The following CMYA5 variants were observed in gnomAD, a reference collection of about 807,000 sequenced individuals.
CMYA5 encodes cardiomyopathy associated 5, also known as cardiomyopathy-associated protein 5.
Under a neutral mutation model 318.9 loss-of-function variants are expected in CMYA5, and 246 were observed. The observed-to-expected ratio is 0.77, with a 90% confidence interval of 0.70 to 0.86. The LOEUF (loss-of-function observed/expected upper bound fraction) is 0.86, where lower values mean the gene tolerates loss of function less well. CMYA5 is among the 40% of genes least tolerant of loss of function. The pLI is 0.00. For missense variants in CMYA5, 4,589 were observed against 4,678.2 expected, an observed-to-expected ratio of 0.98 and a Z score of 0.56; for synonymous variants, 1,641 against 1,729.5, an observed-to-expected ratio of 0.95 and a Z score of 1.27.
At chr5:79,710,566 T>A (rs4704577) in intron 1 of CMYA5, among the ~76,000 whole-genome samples, 196 of 152,142 alleles carry the variant, frequency 1.3e-3, no homozygotes, top group African/African-American at 4.5e-3. Context: ...CAGGATAGAT[T>A]AAGAATGAAG....
At position 79,789,191 on chromosome 5, in the gene CMYA5, T is replaced by C. The variant is rs1221566476; in HGVS notation, c.11689+87T>C. The C allele has an allele frequency of 2.1e-6, 3 of 1,454,038 alleles. No individual in the cohort carries two copies. In the East Asian group the frequency reaches 7.0e-5, roughly 34 times the overall value. 90.1% of individuals were successfully genotyped at this position (1,454,038 alleles called of 1,614,324 possible). On this transcript the variant is annotated intron_variant, in intron 10 of 12. Transcript: ENST00000446378. ...GAGAAGATGTCCTAGAGGGCAACTT[T>C]ATAAACTCCCAACCTACTGTCAGTG... is the stretch of plus-strand genomic sequence containing the variant.
chr5:79,785,134 C>G (rs893932552), intron 9 of CMYA5, among the ~76,000 whole-genome samples: 12 of 151,624 alleles, frequency 7.9e-5, no homozygotes, highest in Non-Finnish European at 1.8e-4. Context: ...ATGTTTGGGT[C>G]TATTCCTGAC....
At chr5:79,710,547 G>A (rs1444839480) in intron 1 of CMYA5, among the ~76,000 whole-genome samples, 1 of 152,110 alleles carries the variant, frequency 6.6e-6, no homozygotes, top group Non-Finnish European at 1.5e-5. Context: ...GTGTAAAAGA[G>A]GCACATCTCA....
At chr5:79,789,660 G>A (rs1357292895) in intron 10 of CMYA5, among the ~76,000 whole-genome samples, 3 of 151,930 alleles carry the variant, frequency 2.0e-5, no homozygotes, top group Non-Finnish European at 4.4e-5. Flanking sequence ...CCTGACCTCA[G>A]GTGATCTGCC....
At position 79,735,495 on chromosome 5, in the gene CMYA5, A is replaced by G. The variant is rs369572080; in HGVS notation, c.6730A>G (p.Lys2244Glu). The G allele has an allele frequency of 2.3e-5, 37 of 1,613,800 alleles. No individual in the cohort carries two copies. Among genetic ancestry groups the G allele is most frequent in the Middle Eastern group, 3.3e-4 (2 of 6,054 alleles). The change falls in exon 2 of 13, where the codon AAA (lysine) becomes GAA (glutamate). Residue 2244 changes from lysine (K) to glutamate (E), a missense_variant. By Grantham distance (56) the Lys-to-Glu change is moderately conservative (BLOSUM62 1). Coordinates refer to ENST00000446378, the MANE Select transcript of CMYA5 (RefSeq NM_153610.5). ...ADHSLSEVKL[K>E]TADEPRGTLV... ...TCATTCATTATCAGAGGTAAAACTT[A>G]AAACTGCTGATGAACCCAGAGGTAC...
At chr5:79,763,358 C>A in intron 9 of CMYA5, 149 bp downstream of exon 9, 1 of 655,724 alleles carries the variant, frequency 1.5e-6, no homozygotes, top group Non-Finnish European at 2.5e-6. Context: ...ATTTGCAGCT[C>A]TATCACAGTT....
At chr5:79,739,866 T>G (rs973341298) in intron 2 of CMYA5, among the ~76,000 whole-genome samples, 6 of 151,734 alleles carry the variant, frequency 4.0e-5, no homozygotes, top group Non-Finnish European at 1.5e-5. Context: ...ACCTGTAGTT[T>G]AAGTTACTTG....
chr5:79,694,082 A>G (rs2151073794), intron 1 of CMYA5, among the ~76,000 whole-genome samples: 1 of 152,272 alleles, frequency 6.6e-6, no homozygotes, highest in Non-Finnish European at 1.5e-5. Context: ...GGAACAGAGT[A>G]AGGTAATGGG....
At chr5:79,772,163 C>T (rs1208111212) in intron 9 of CMYA5, among the ~76,000 whole-genome samples, 3 of 151,990 alleles carry the variant, frequency 2.0e-5, no homozygotes, top group African/African-American at 4.8e-5. Flanking sequence ...AGACCAACAT[C>T]GAGCTTATTA....
chr5:79,761,473 T>C (rs1259036301), intron 7 of CMYA5, among the ~76,000 whole-genome samples: 1 of 152,214 alleles, frequency 6.6e-6, no homozygotes, highest in Non-Finnish European at 1.5e-5. Context: ...TGAGAATGTG[T>C]TACTGAGATT....
In CMYA5 at chr5:79,738,664, G is replaced by T; in HGVS notation, c.9899G>T (p.Gly3300Val). The T allele has an allele frequency of 6.2e-7, 1 of 1,613,952 alleles. No individual in the cohort carries two copies. Among genetic ancestry groups the T allele is most frequent in the South Asian group, 1.1e-5 (1 of 91,080 alleles). The stretch of plus-strand genomic sequence containing the variant: ...GAGAAGAGTCTGGAAGAACAGAAAG[G>T]TGTTTATGGGGAAGGAGAATCAGTA... ...CREKSLEEQK[G>V]VYGEGESVDH... The change falls in exon 2 of 13, where the codon GGT (glycine) becomes GTT (valine). Residue 3300 changes from glycine to valine, a missense_variant. Gly to Val is a moderately radical substitution (Grantham distance 109). This residue lies in a region of CMYA5 where 2,431 missense variants were observed against 2,495.1 expected (regional missense o/e 0.97). Coordinates refer to ENST00000446378, the MANE Select transcript of CMYA5 (RefSeq NM_153610.5).
rs1162792329 is a variant in CMYA5, at chr5:79,756,364, GCC to G, written c.11111-2386_11111-2385del. Among the ~76,000 whole-genome samples, 18 of 151,082 alleles carry G rather than the reference GCC, an allele frequency of 1.2e-4. 1 individual carries two copies. Among genetic ancestry groups the G allele is most frequent in the Middle Eastern group, 3.4e-3 (1 of 292 alleles). ...CTCATCTTCAGGAGCTTCCTGCCTT[GCC>G]CCTCTGTTTCCTGTGCTCCTGCCAA... On this transcript the variant is annotated intron_variant, in intron 6 of 12. Coordinates refer to ENST00000446378, the MANE Select transcript of CMYA5 (RefSeq NM_153610.5).
intron 6 of CMYA5, among the ~76,000 whole-genome samples, chr5:79,755,342 A>C (rs1052101193): frequency 2.0e-5 from 3 of 151,738 alleles, no homozygotes; most frequent in Non-Finnish European, 4.4e-5. Context: ...GCTGAAGTGC[A>C]GTGGCACCAT....
At position 79,738,201 on chromosome 5, in the gene CMYA5, A is replaced by G; in HGVS notation, c.9436A>G (p.Arg3146Gly). The G allele has an allele frequency of 6.2e-7, 1 of 1,613,944 alleles. No homozygotes were observed. The highest frequency in any genetic ancestry group is 8.5e-7 in the Non-Finnish European group (1 of 1,179,878). ...ADRNVSKDTK[R>G]DVDSKSPGMP... Reference sequence around the variant, plus strand: ...CAGGAATGTTTCAAAGGACACAAAGAGAGATGTGGACTCAAAGTCACCGGG... The same window carrying G: ...CAGGAATGTTTCAAAGGACACAAAGGGAGATGTGGACTCAAAGTCACCGGG... Residue 3146 changes from arginine (R) to glycine (G), a missense_variant, in exon 2 of 13, where the codon AGA becomes GGA. Arg to Gly is a moderately radical substitution (Grantham distance 125). Around this residue, in one of 3 missense-constraint regions of CMYA5, gnomAD observed 2,431 missense variants for 2,495.1 expected, o/e 0.97. Coordinates refer to ENST00000446378, the MANE Select transcript of CMYA5 (RefSeq NM_153610.5).
intron 9 of CMYA5, among the ~76,000 whole-genome samples, chr5:79,769,695 G>T (rs554326055): frequency 1.3e-5 from 2 of 152,112 alleles, no homozygotes; most frequent in Non-Finnish European, 2.9e-5. Flanking sequence ...AGAGGCACCC[G>T]CCAGATGCCA....
rs760646985 is a variant in CMYA5, at chr5:79,747,114, G to A, written c.10991+1G>A. Reference sequence around the variant, plus strand: ...AGTCGTTTGAGGAAATCAATGAAAGGTATATAAAACATGATACAATGTAGT... The same window carrying A: ...AGTCGTTTGAGGAAATCAATGAAAGATATATAAAACATGATACAATGTAGT... On this transcript the variant is annotated splice_donor_variant, in intron 5 of 12. Coordinates refer to ENST00000446378, the MANE Select transcript of CMYA5 (RefSeq NM_153610.5). LOFTEE classifies it high-confidence loss of function. 5 of 1,545,410 alleles carry A rather than the reference G, an allele frequency of 3.2e-6. No homozygotes were observed. Among genetic ancestry groups the A allele is most frequent in the South Asian group, 2.4e-5 (2 of 83,478 alleles).
chr5:79,692,988 A>G (rs191102693), intron 1 of CMYA5, among the ~76,000 whole-genome samples: 20 of 152,336 alleles, frequency 1.3e-4, no homozygotes, highest in Non-Finnish European at 2.5e-4. Flanking sequence ...AGTTGGAGAA[A>G]CAGAAAAACG....
rs1302329899 is a variant in CMYA5 at position 79,732,154 on chromosome 5, A to G, written c.3389A>G (p.His1130Arg). 6.2e-7 allele frequency: 1 copy of G among 1,613,946 alleles called. No homozygotes were observed. Among genetic ancestry groups the G allele is most frequent in the East Asian group, 2.2e-5 (1 of 44,882 alleles). The part of the protein sequence containing the change: ...EPESEDLIPS[H>R]LTSEVEKGER... ...GAGTCTGAAGACTTGATTCCTTCACATTTAACCAGTGAAGTGGAGAAGGGA... is the reference window on the plus strand; with the variant it reads ...GAGTCTGAAGACTTGATTCCTTCACGTTTAACCAGTGAAGTGGAGAAGGGA... Residue 1130 changes from histidine (H) to arginine (R), a missense_variant, in exon 2 of 13, where the codon CAT becomes CGT. By Grantham distance (29) the His-to-Arg change is conservative. Coordinates refer to ENST00000446378, the MANE Select transcript of CMYA5 (RefSeq NM_153610.5).
At chr5:79,722,029 T>C (rs1827648359) in intron 1 of CMYA5, among the ~76,000 whole-genome samples, 1 of 152,234 alleles carries the variant, frequency 6.6e-6, no homozygotes, top group African/African-American at 2.4e-5. Flanking sequence ...GTTCTTTTCA[T>C]GAACCCATAA....
Sources: allele counts gnomAD v4.1 joint callset (sites outside exome capture counted in the v4.1 genomes callset), GRCh38; gene constraint gnomAD v4.1.1; regional missense constraint gnomAD v4.1.1; transcripts MANE v1.5; gene names NCBI Gene and HGNC (gene_info 2026-07-23, HGNC 2026-07-21).